Variants in CENPH observed in about 807,000 individuals in gnomAD.
CENPH encodes CENP-H.
A neutral mutation model predicts 42.9 loss-of-function variants in CENPH; 40 were observed. The ratio of observed to expected loss-of-function variants is 0.93; its 90% CI spans 0.72 to 1.21. The LOEUF (loss-of-function observed/expected upper bound fraction) is 1.21. Ranked by LOEUF, CENPH falls within the 50% of genes most tolerant of loss-of-function variation. The pLI is 0.00. For missense variants in CENPH, 302 were observed against 292.9 expected (o/e 1.03, Z -0.23); for synonymous variants, 88 against 96.5 (o/e 0.91, Z 0.52).
intron 7 of CENPH, among the ~76,000 whole-genome samples, chr5:69,205,517 G>A (rs1748140010): frequency 6.6e-6 from 1 of 151,786 alleles, no homozygotes; most frequent in African/African-American, 2.4e-5. Flanking sequence ...GTAAGCCACT[G>A]TGACCGGCCT....
chr5:69,191,463 G>T (rs1466530611), intron 1 of CENPH, among the ~76,000 whole-genome samples: 1 of 152,182 alleles, frequency 6.6e-6, no homozygotes, highest in African/African-American at 2.4e-5. Context: ...GGTGAGCCGA[G>T]ATTGCGCCAC....
At chr5:69,194,562 T>G in intron 2 of CENPH, 85 bp from the exon 3 acceptor site, 1 of 720,992 alleles carries the variant, frequency 1.4e-6, no homozygotes, top group Non-Finnish European at 2.4e-6. Flanking sequence ...AAATGATGTC[T>G]TTTGCCCTTG....
intron 5 of CENPH, among the ~76,000 whole-genome samples, chr5:69,201,435 C>T (rs566760351): frequency 3.3e-5 from 5 of 152,274 alleles, no homozygotes; most frequent in Admixed American, 1.3e-4. Context: ...TGGCACCTGG[C>T]ATAGTTCTTG....
chr5:69,193,663 GTTT>G (rs527294772), intron 2 of CENPH, among the ~76,000 whole-genome samples: 1 of 135,494 alleles, frequency 7.4e-6, no homozygotes, highest in Admixed American at 7.6e-5. Context: ...TGTTTTTTCT[GTTT>G]TTTTTTTTTT....
At chr5:69,193,317 A>G (rs1350984091) in intron 2 of CENPH, among the ~76,000 whole-genome samples, 2 of 152,098 alleles carry the variant, frequency 1.3e-5, no homozygotes, top group African/African-American at 4.8e-5. Context: ...CTAAATCTGT[A>G]TAATCACTAC....
At chr5:69,197,344 A>G (rs1160294163) in intron 5 of CENPH, 3 of 364,940 alleles carry the variant, frequency 8.2e-6, no homozygotes, top group Admixed American at 8.9e-5. Context: ...AAGATTGGAA[A>G]ATTTTAAGGG....
intron 1 of CENPH, among the ~76,000 whole-genome samples, chr5:69,190,427 C>G (rs977111798): frequency 6.6e-6 from 1 of 152,188 alleles, no homozygotes; most frequent in Non-Finnish European, 1.5e-5. Flanking sequence ...TTTCCATAAA[C>G]AGTTTTATTG....
At chr5:69,191,597 C>T (rs534303046) in intron 1 of CENPH, among the ~76,000 whole-genome samples, 198 bp from the exon 2 acceptor site, 2 of 152,234 alleles carry the variant, frequency 1.3e-5, no homozygotes, top group Admixed American at 6.5e-5. Flanking sequence ...TTGTGTCTTC[C>T]TCTGAGGCCT....
At chr5:69,204,517 T>C (rs138439107) in intron 7 of CENPH, among the ~76,000 whole-genome samples, 207 of 151,248 alleles carry the variant, frequency 1.4e-3, no homozygotes, top group African/African-American at 4.8e-3. Flanking sequence ...CTTGAACTTC[T>C]GCCCTCAACG....
chr5:69,191,741 G>A lies in CENPH; in HGVS notation c.135-54G>A, dbSNP rs114315755. On this transcript the variant is annotated intron_variant, in intron 1 of 8. Transcript: ENST00000283006. ...GAGTTGGTTCGTCATGTGGTAATGA[G>A]TAAAACCTTAATCAATAAATATGTG... 6,191 of 1,087,730 alleles carry A rather than the reference G, an allele frequency of 5.7e-3. 28 individuals carry two copies. Among genetic ancestry groups the A allele is most frequent in the Non-Finnish European group, 6.9e-3 (4,908 of 709,768 alleles). The allele number at this position is 1,087,730 out of a possible 1,614,324, so 67.4% of individuals were successfully genotyped here. A position where few individuals can be genotyped will look rare whatever the true frequency, so the allele number is the denominator to read the frequency against.
At position 69,196,851 on chromosome 5, in the gene CENPH, C is replaced by T. The variant is rs376757554; in HGVS notation, c.315-202C>T. 2.0e-4 allele frequency among the ~76,000 whole-genome samples: 30 copies of T among 152,218 alleles called. No homozygotes were observed. In the East Asian group the frequency reaches 4.6e-3, roughly 24 times the overall value. ...CTCATTCTGGCAGTGTATACCCACACGCAACAGCCCTATCCATCTTGGTGT... is the reference window on the plus strand; with the variant it reads ...CTCATTCTGGCAGTGTATACCCACATGCAACAGCCCTATCCATCTTGGTGT... On this transcript the variant is annotated intron_variant, in intron 4 of 8. Coordinates refer to ENST00000283006, the MANE Select transcript of CENPH (RefSeq NM_022909.4).
At chr5:69,205,702 C>CTTT (rs1158243799) in intron 7 of CENPH, among the ~76,000 whole-genome samples, 4,030 of 77,128 alleles carry the variant, frequency 0.052, 409 homozygotes, top group African/African-American at 0.14. Context: ...CTGTAGATAT[C>CTTT]TTTTTTTTTT....
intron 7 of CENPH, among the ~76,000 whole-genome samples, chr5:69,203,760 C>T (rs1748096837): frequency 6.6e-6 from 1 of 151,860 alleles, no homozygotes; most frequent in Non-Finnish European, 1.5e-5. Context: ...GCCTTGGCCT[C>T]CCAAAGTGCT....
Position 69,202,853 on chromosome 5 carries a change from T to G in CENPH, c.436-66T>G, listed in dbSNP as rs558836861. The G allele has an allele frequency of 5.2e-6, 5 of 969,770 alleles. No individual in the cohort carries two copies. The South Asian group carries it at 7.4e-5, about 14-fold the overall frequency. The allele number at this position is 969,770 out of a possible 1,614,324, so 60.1% of individuals were successfully genotyped here. On this transcript the variant is annotated intron_variant, in intron 6 of 8. Coordinates refer to ENST00000283006, the MANE Select transcript of CENPH (RefSeq NM_022909.4). ...TAAGGCTAGTAGATAAACTCAGTGATTTAAGTATTACAGGTTTGTCCTTAC... is the reference window on the plus strand; with the variant it reads ...TAAGGCTAGTAGATAAACTCAGTGAGTTAAGTATTACAGGTTTGTCCTTAC...
At chr5:69,194,432 T>G (rs1480709865) in intron 2 of CENPH, among the ~76,000 whole-genome samples, 5 of 152,234 alleles carry the variant, frequency 3.3e-5, no homozygotes, top group African/African-American at 9.6e-5. Flanking sequence ...ATGTGAAATA[T>G]GTCATTAGTA....
At chr5:69,190,864 C>T (rs990796506) in intron 1 of CENPH, among the ~76,000 whole-genome samples, 2 of 151,640 alleles carry the variant, frequency 1.3e-5, no homozygotes. Flanking sequence ...GCACTCCAGC[C>T]TGGGCAATAG....
chr5:69,192,568 T>C (rs1660407755), intron 2 of CENPH, among the ~76,000 whole-genome samples: 1 of 152,078 alleles, frequency 6.6e-6, no homozygotes, highest in African/African-American at 2.4e-5. Context: ...CACTTGAAGC[T>C]AAGAGTTTGA....
chr5:69,197,885 G>T (rs918739183), intron 5 of CENPH, among the ~76,000 whole-genome samples: 1 of 143,406 alleles, frequency 7.0e-6, no homozygotes, highest in African/African-American at 2.5e-5. Flanking sequence ...GTATCCTGGT[G>T]TCTGGCCTCA....
At chr5:69,204,032 A>AATTATATATATTTATAT (rs1554058618) in intron 7 of CENPH, among the ~76,000 whole-genome samples, 2 of 68,822 alleles carry the variant, frequency 2.9e-5, no homozygotes, top group Admixed American at 1.6e-4. Context: ...TTATATATAT[A>AATTATATATATTTATAT]ATTATATATA....
Sources: gnomAD v4.1 joint callset for allele counts (sites outside exome capture counted in the v4.1 genomes callset) on GRCh38, gnomAD v4.1.1 for gene constraint, MANE v1.5 for transcripts, NCBI Gene and HGNC (gene_info 2026-07-23, HGNC 2026-07-21) for gene names.